Variants in PIEZO2 observed in about 807,000 individuals in gnomAD.
PIEZO2 encodes piezo type mechanosensitive ion channel component 2.
A neutral mutation model predicts 337.3 loss-of-function variants in PIEZO2; 172 were observed. The observed-to-expected ratio is 0.51, with a 90% confidence interval of 0.45 to 0.58. The LOEUF (loss-of-function observed/expected upper bound fraction) is 0.58, where lower values mean the gene tolerates loss of function less well. PIEZO2 is among the 20% of genes least tolerant of loss of function. The pLI, the probability that PIEZO2 is intolerant of heterozygous loss-of-function variation, is 0.00. For missense variants in PIEZO2, 3,028 were observed against 3,391.3 expected (o/e 0.89, Z 2.66); for synonymous variants, 1,251 against 1,228.5 (o/e 1.02, Z -0.38).
chr18:11,090,495 T>C (rs1384243431), intron 1 of PIEZO2, among the ~76,000 whole-genome samples: 2 of 152,176 alleles, frequency 1.3e-5, no homozygotes, highest in African/African-American at 2.4e-5. Flanking sequence ...CCAAATGCTA[T>C]GGAAACCTAT....
intron 33 of PIEZO2, 108 bp downstream of exon 33, chr18:10,740,923 A>T: frequency 8.5e-7 from 1 of 1,175,854 alleles, no homozygotes; most frequent in Non-Finnish European, 1.2e-6. Flanking sequence ...ATCAAGTCAC[A>T]AGGATCAAAC....
intron 42 of PIEZO2, among the ~76,000 whole-genome samples, 171 bp from the exon 43 acceptor site, chr18:10,702,342 T>C (rs2035377848): frequency 1.3e-5 from 2 of 152,206 alleles, no homozygotes; most frequent in African/African-American, 4.8e-5. Flanking sequence ...TCGCAGACTA[T>C]TGACTTCATA....
intron 4 of PIEZO2, among the ~76,000 whole-genome samples, chr18:10,882,215 C>T (rs1400805222): frequency 2.6e-5 from 4 of 152,204 alleles, no homozygotes; most frequent in African/African-American, 4.8e-5. Flanking sequence ...GCAGGACTAT[C>T]GCCAGGAGAA....
intron 2 of PIEZO2, among the ~76,000 whole-genome samples, chr18:11,053,066 C>T (rs77883902): frequency 0.041 from 6,227 of 152,236 alleles, 432 homozygotes; most frequent in African/African-American, 0.14. Context: ...TTGCTATGAA[C>T]CCACATGAAA....
intron 2 of PIEZO2, among the ~76,000 whole-genome samples, chr18:11,036,759 A>G (rs1320537218): frequency 6.6e-6 from 1 of 152,154 alleles, no homozygotes; most frequent in African/African-American, 2.4e-5. Flanking sequence ...AAATTGAATT[A>G]CTTTGATATC....
chr18:11,147,220 A>G (rs1388909207), intron 1 of PIEZO2, among the ~76,000 whole-genome samples: 1 of 152,120 alleles, frequency 6.6e-6, no homozygotes, highest in Admixed American at 6.5e-5. Flanking sequence ...GACCCCTGCA[A>G]AATGGAAACT....
intron 17 of PIEZO2, among the ~76,000 whole-genome samples, 172 bp from the exon 18 acceptor site, chr18:10,780,538 T>G (rs1232387655): frequency 1.3e-5 from 2 of 152,038 alleles, no homozygotes; most frequent in African/African-American, 4.8e-5. Context: ...ACAGCAAGAT[T>G]CAGTAGCAAC....
At chr18:10,747,970 T>A (rs1256050885) in intron 30 of PIEZO2, among the ~76,000 whole-genome samples, 1 of 152,044 alleles carries the variant, frequency 6.6e-6, no homozygotes. Context: ...GCACTTCACT[T>A]TATTACCTCT....
intron 36 of PIEZO2, among the ~76,000 whole-genome samples, chr18:10,723,845 C>G (rs565702882): frequency 6.6e-6 from 1 of 152,156 alleles, no homozygotes; most frequent in Non-Finnish European, 1.5e-5. Context: ...AAGCAGATTC[C>G]AATTTGGATT....
At chr18:10,688,460 G>A (rs1008019345) in intron 49 of PIEZO2, among the ~76,000 whole-genome samples, 20 of 152,138 alleles carry the variant, frequency 1.3e-4, no homozygotes, top group Admixed American at 2.6e-4. Flanking sequence ...TATATCTGTC[G>A]AATGAGTGAT....
In PIEZO2 at chr18:10,954,621, G is replaced by A; in HGVS notation, c.286+24914C>T. Among the ~76,000 whole-genome samples, 1 of 152,118 alleles carries A rather than the reference G, an allele frequency of 6.6e-6. No individual in the cohort carries two copies. ...ATGAGAAGAAGAGGGAGGAGGGGAAGGGAGAAGAAAAAGGGCTGAGCTAGA... is the reference window on the plus strand; with the variant it reads ...ATGAGAAGAAGAGGGAGGAGGGGAAAGGAGAAGAAAAAGGGCTGAGCTAGA... On this transcript the variant is annotated intron_variant, in intron 3 of 55. Transcript: ENST00000674853. This position sits in a 1 kb window ranked among gnomAD's most constrained non-coding sequence, Gnocchi z 4.2.
Position 10,714,763 on chromosome 18 carries a change from C to T in PIEZO2, c.5423+1G>A. On this transcript the variant is annotated splice_donor_variant, in intron 39 of 55. Transcript: ENST00000674853. LOFTEE classifies it high-confidence loss of function. ...AAACCCATTGTTAGAAAGTGAAATA[C>T]CTGGAGATACTGTCATGTGAATCTA... 11 of 1,536,918 alleles carry T rather than the reference C, an allele frequency of 7.2e-6. No homozygotes were observed. The highest frequency in any genetic ancestry group is 9.6e-6 in the Non-Finnish European group (11 of 1,146,812).
rs541332264 is a variant in PIEZO2 at position 10,895,825 on chromosome 18, G to A, written c.329+15361C>T. On this transcript the variant is annotated intron_variant, in intron 4 of 55. Coordinates refer to ENST00000674853, the MANE Select transcript of PIEZO2 (RefSeq NM_001378183.1). This position sits in a 1 kb window ranked among gnomAD's most constrained non-coding sequence, Gnocchi z 4.8. The stretch of plus-strand genomic sequence containing the variant: ...TGTAATCCCAGCACTTTGGGAGGCT[G>A]AGGTGGGCAGATCACCTGAGGTCAG... 6.6e-6 allele frequency among the ~76,000 whole-genome samples: 1 copy of A among 152,230 alleles called. No homozygotes were observed. The highest frequency in any genetic ancestry group is 6.5e-5 in the Admixed American group (1 of 15,300).
chr18:11,042,960 T>C (rs1486767400), intron 2 of PIEZO2, among the ~76,000 whole-genome samples: 2 of 152,184 alleles, frequency 1.3e-5, no homozygotes, highest in Non-Finnish European at 2.9e-5. Context: ...AGTAATTTGG[T>C]TCTAAAGACA....
chr18:11,095,454 C>T (rs1027648543), intron 1 of PIEZO2, among the ~76,000 whole-genome samples: 3 of 152,120 alleles, frequency 2.0e-5, no homozygotes, highest in Admixed American at 2.0e-4. Context: ...AGCGAGTTGC[C>T]CCAAGTCAGA....
At chr18:11,139,638 T>C (rs962991791) in intron 1 of PIEZO2, among the ~76,000 whole-genome samples, 1 of 152,204 alleles carries the variant, frequency 6.6e-6, no homozygotes, top group Non-Finnish European at 1.5e-5. Context: ...CCATTTTATC[T>C]TTCCACAGAT....
In PIEZO2 at chr18:11,112,380, A is replaced by G. The variant is rs2039761343; in HGVS notation, c.64+36145T>C. On this transcript the variant is annotated intron_variant, in intron 1 of 55. Coordinates refer to ENST00000674853, the MANE Select transcript of PIEZO2 (RefSeq NM_001378183.1). The surrounding 1 kb of genome is among the most constrained non-coding windows in gnomAD (Gnocchi z 4.3). Reference sequence around the variant, plus strand: ...AAGGCCTGGTCCAGTCATTCTGAGAACAACCCTTCAACGCTTTAATTAAAG... The same window carrying G: ...AAGGCCTGGTCCAGTCATTCTGAGAGCAACCCTTCAACGCTTTAATTAAAG... Among the ~76,000 whole-genome samples the G allele has an allele frequency of 6.6e-6, 1 of 152,212 alleles. No homozygotes were observed. The highest frequency in any genetic ancestry group is 1.5e-5 in the Non-Finnish European group (1 of 68,044).
chr18:10,944,306 C>A (rs906070743), intron 3 of PIEZO2, among the ~76,000 whole-genome samples: 3 of 151,142 alleles, frequency 2.0e-5, no homozygotes, highest in Non-Finnish European at 4.4e-5. Flanking sequence ...GTTTTAAAAA[C>A]TAAAAAATAA....
chr18:10,689,188 A>G (rs2034687299), intron 49 of PIEZO2, among the ~76,000 whole-genome samples: 1 of 152,252 alleles, frequency 6.6e-6, no homozygotes, highest in Admixed American at 6.5e-5. Context: ...TAATCTAGAC[A>G]TATTTAAACC....
Sources: allele counts gnomAD v4.1 joint callset (sites outside exome capture counted in the v4.1 genomes callset), GRCh38; gene constraint gnomAD v4.1.1; non-coding constraint Gnocchi (gnomAD v3.1); transcripts MANE v1.5; gene names NCBI Gene and HGNC (gene_info 2026-07-23, HGNC 2026-07-21).